Variants in ARHGAP35 observed in about 807,000 individuals in gnomAD.
ARHGAP35 encodes the protein Rho GTPase activating protein 35.
Under a neutral mutation model 111.1 loss-of-function variants are expected in ARHGAP35, and 15 were observed. That is an observed-to-expected ratio of 0.13 (90% CI 0.09 to 0.21). The LOEUF (loss-of-function observed/expected upper bound fraction) is 0.21. Ranked by LOEUF, ARHGAP35 falls within the 10% of genes least tolerant of loss-of-function variation. The pLI is 1.00. For synonymous variants in ARHGAP35, 643 were observed against 710.3 expected, an observed-to-expected ratio of 0.91 and a Z score of 1.51; for missense variants, 1,262 against 1,873.0, an observed-to-expected ratio of 0.67 and a Z score of 6.02.
chr19:46,976,104 T>G (rs984214230), intron 3 of ARHGAP35, among the ~76,000 whole-genome samples: 1 of 152,220 alleles, frequency 6.6e-6, no homozygotes, highest in African/African-American at 2.4e-5. Context: ...CTGTGATTTT[T>G]ATGGGGGCTG....
rs746514590 is a variant in ARHGAP35 at position 46,921,583 on chromosome 19, T to A, written c.2908T>A (p.Ser970Thr). The change falls in exon 2 of 7, where the codon TCC (serine) becomes ACC (threonine). Residue 970 changes from serine (S) to threonine (T), a missense_variant. Physicochemically the swap from Ser to Thr is moderately conservative, Grantham distance 58. This residue lies in a region of ARHGAP35 where 579 missense variants were observed against 716.9 expected (regional missense o/e 0.81). Transcript: ENST00000672722. This position sits in a 1 kb window ranked among gnomAD's most constrained non-coding sequence, Gnocchi z 4.3. The stretch of plus-strand genomic sequence containing the variant: ...TAGCACCACCGAAGAGGTGTTTAAC[T>A]CCCCCCGGGCAGGATCACCGCTCTG... ...ACSTTEEVFN[S>T]PRAGSPLCNS... 3 of 1,613,534 alleles carry A rather than the reference T, an allele frequency of 1.9e-6. No individual in the cohort carries two copies. The highest frequency in any genetic ancestry group is 1.7e-5 in the Admixed American group (1 of 59,938).
At chr19:46,900,831 G>A (rs528749157) in intron 1 of ARHGAP35, among the ~76,000 whole-genome samples, 38 of 151,920 alleles carry the variant, frequency 2.5e-4, no homozygotes, top group South Asian at 1.0e-3. Context: ...CTGGAATGCT[G>A]TCCCCCAGAT....
intron 1 of ARHGAP35, among the ~76,000 whole-genome samples, chr19:46,877,248 CA>C (rs35968599): frequency 0.34 from 30,589 of 89,834 alleles, 4,382 homozygotes; most frequent in African/African-American, 0.44. Context: ...AAAACTGTCT[CA>C]AAAAAAAAAA....
chr19:46,921,855 C>A lies in ARHGAP35; in HGVS notation c.3180C>A (p.Asp1060Glu). Residue 1060 changes from aspartate to glutamate, a missense_variant, in exon 2 of 7, where the codon GAC becomes GAA. Physicochemically the swap from Asp to Glu is conservative, Grantham distance 45. Coordinates refer to ENST00000672722, the MANE Select transcript of ARHGAP35 (RefSeq NM_004491.5). The surrounding 1 kb of genome is among the most constrained non-coding windows in gnomAD (Gnocchi z 4.3). ...CAAAGGGGGATCTATCTTATTTAGA[C>A]CAAGGCCATAGGGATGGACAGAGGA... Reference protein sequence around the residue: ...EITKGDLSYLDQGHRDGQRKS... With the variant: ...EITKGDLSYLEQGHRDGQRKS... The A allele has an allele frequency of 6.2e-7, 1 of 1,613,976 alleles. No individual in the cohort carries two copies. The highest frequency in any genetic ancestry group is 8.5e-7 in the Non-Finnish European group (1 of 1,179,900).
intron 2 of ARHGAP35, among the ~76,000 whole-genome samples, chr19:46,927,663 G>A (rs573946826): frequency 3.9e-5 from 6 of 152,314 alleles, no homozygotes; most frequent in African/African-American, 1.4e-4. Flanking sequence ...TGCCAGGTAC[G>A]TGTCAGGCAT....
At chr19:46,941,216 G>A (rs2056345013) in intron 3 of ARHGAP35, among the ~76,000 whole-genome samples, 1 of 152,106 alleles carries the variant, frequency 6.6e-6, no homozygotes, top group Admixed American at 6.5e-5. Context: ...CCCCTTGTGT[G>A]GTTTAAAATT....
intron 3 of ARHGAP35, among the ~76,000 whole-genome samples, chr19:46,959,307 G>A (rs551660121): frequency 2.3e-4 from 35 of 151,494 alleles, no homozygotes; most frequent in African/African-American, 7.5e-4. Context: ...CAAGTGATTC[G>A]GCCTCCCAAA....
At position 46,921,483 on chromosome 19, in the gene ARHGAP35, A is replaced by G. The variant is rs1173124719; in HGVS notation, c.2808A>G (p.Pro936=). The stretch of plus-strand genomic sequence containing the variant: ...AGCATAAACTTGAGATCTTTCACCC[A>G]TTTTTTAAAGATGTGGTGGAAAAAA... ...QPQHKLEIFH[P]FFKDVVEKKN... is the part of the protein sequence containing the mutation. The change falls in exon 2 of 7, where the codon CCA becomes CCG. Residue 936 remains proline, a synonymous_variant. Transcript: ENST00000672722. This position sits in a 1 kb window ranked among gnomAD's most constrained non-coding sequence, Gnocchi z 4.3. The G allele has an allele frequency of 1.5e-5, 24 of 1,613,800 alleles. No homozygotes were observed. The highest frequency in any genetic ancestry group is 1.9e-5 in the Non-Finnish European group (22 of 1,179,888).
At chr19:46,925,081 A>G (rs553351856) in intron 2 of ARHGAP35, among the ~76,000 whole-genome samples, 11 of 152,248 alleles carry the variant, frequency 7.2e-5, no homozygotes, top group South Asian at 4.1e-4. Flanking sequence ...CTTCCGGTCT[A>G]TCTTTAGCTA....
chr19:46,873,069 G>A (rs943060004), intron 1 of ARHGAP35, among the ~76,000 whole-genome samples: 1 of 152,102 alleles, frequency 6.6e-6, no homozygotes, highest in Admixed American at 6.5e-5. Context: ...AGGCCACATG[G>A]CTAGTAGGTC....
chr19:47,000,603 C>T lies in ARHGAP35; in HGVS notation c.4415C>T (p.Ser1472Leu), dbSNP rs1475676987. The T allele has an allele frequency of 2.5e-6, 4 of 1,613,280 alleles. No individual in the cohort carries two copies. The highest frequency in any genetic ancestry group is 1.1e-5 in the South Asian group (1 of 90,992). ...TCCACGCCTGTCACAAGTCAGCCGT[C>T]GCCCCCACAGTCGCCTCCACCCACC... ...LTSTPVTSQP[S>L]PPQSPPPTPQ... is the part of the protein sequence containing the mutation. The change falls in exon 7 of 7, where the codon TCG (serine) becomes TTG (leucine). Residue 1472 changes from serine to leucine, a missense_variant. Physicochemically the swap from Ser to Leu is moderately radical, Grantham distance 145 (BLOSUM62 -2). This residue lies in a region of ARHGAP35 where 75 missense variants were observed against 87.0 expected (regional missense o/e 0.86). Coordinates refer to ENST00000672722, the MANE Select transcript of ARHGAP35 (RefSeq NM_004491.5). The surrounding 1 kb of genome is among the most constrained non-coding windows in gnomAD (Gnocchi z 6.9).
At chr19:46,987,797 T>C (rs2056659169) in intron 3 of ARHGAP35, among the ~76,000 whole-genome samples, 192 bp from the exon 4 acceptor site, 1 of 152,122 alleles carries the variant, frequency 6.6e-6, no homozygotes, top group Non-Finnish European at 1.5e-5. Context: ...AATTTTTAAG[T>C]GAAAAAGAAA....
At chr19:46,929,162 G>C (rs917182513) in intron 2 of ARHGAP35, among the ~76,000 whole-genome samples, 2 of 152,120 alleles carry the variant, frequency 1.3e-5, no homozygotes, top group Non-Finnish European at 2.9e-5. Flanking sequence ...AATAGATTTT[G>C]TCAGCAAGAA....
intron 1 of ARHGAP35, among the ~76,000 whole-genome samples, chr19:46,898,675 C>T (rs1343163967): frequency 2.0e-5 from 3 of 152,198 alleles, no homozygotes; most frequent in Non-Finnish European, 4.4e-5. Flanking sequence ...TACAAAGGTG[C>T]TGGAAAGGCT....
chr19:46,888,807 C>G (rs552155708), intron 1 of ARHGAP35, among the ~76,000 whole-genome samples: 1 of 131,052 alleles, frequency 7.6e-6, no homozygotes, highest in East Asian at 2.3e-4. Context: ...TCCTGGCTAA[C>G]ACGGTGAAAC....
At chr19:46,984,183 T>G (rs75014982) in intron 3 of ARHGAP35, among the ~76,000 whole-genome samples, 1,651 of 152,302 alleles carry the variant, frequency 0.011, 13 homozygotes, top group Non-Finnish European at 0.016. Context: ...TAGGTAAGGA[T>G]GCCTGTGAGT....
intron 3 of ARHGAP35, among the ~76,000 whole-genome samples, chr19:46,964,125 C>T (rs2056500129): frequency 6.6e-6 from 1 of 151,980 alleles, no homozygotes; most frequent in Non-Finnish European, 1.5e-5. Flanking sequence ...GCCTCAGCCT[C>T]CTGAAGTGCT....
chr19:46,936,436 G>A (rs886749250), intron 2 of ARHGAP35, among the ~76,000 whole-genome samples: 3 of 152,148 alleles, frequency 2.0e-5, no homozygotes, highest in Admixed American at 6.5e-5. Context: ...GGATGCAACT[G>A]AGAATTAACC....
rs147118070 is a variant in ARHGAP35, at chr19:46,987,887, C to T, written c.3827-102C>T. On this transcript the variant is annotated intron_variant, in intron 3 of 6. Coordinates refer to ENST00000672722, the MANE Select transcript of ARHGAP35 (RefSeq NM_004491.5). ...GCCTGCTCCTCTCTTGTGGTGGGCA[C>T]CTCATGGACTTTCCCTGGCTTTCTC... The T allele has an allele frequency of 7.8e-3, 8,695 of 1,119,672 alleles. 71 individuals carry two copies. The highest frequency in any genetic ancestry group is 0.02 in the South Asian group (1,500 of 73,252). The allele number at this position is 1,119,672 out of a possible 1,614,324, so 69.4% of individuals were successfully genotyped here. A position where few individuals can be genotyped will look rare whatever the true frequency, so the allele number is the denominator to read the frequency against.
Sources: gnomAD v4.1 joint callset for allele counts (sites outside exome capture counted in the v4.1 genomes callset) on GRCh38, gnomAD v4.1.1 for gene constraint, gnomAD v4.1.1 regional missense constraint, Gnocchi (gnomAD v3.1) non-coding constraint, MANE v1.5 for transcripts, NCBI Gene and HGNC (gene_info 2026-07-23, HGNC 2026-07-21) for gene names.